Variants in MGAM observed in about 807,000 individuals in gnomAD.
MGAM encodes alpha-1,4-glucosidase.
A neutral mutation model predicts 358.8 loss-of-function variants in MGAM; 253 were observed. That is an observed-to-expected ratio of 0.71 (90% CI 0.64 to 0.78). The LOEUF is 0.78. Ranked by LOEUF, MGAM falls within the 30% of genes least tolerant of loss-of-function variation. The pLI, the probability that MGAM is intolerant of heterozygous loss-of-function variation, is 0.00. For synonymous variants in MGAM, 1,105 were observed against 1,227.1 expected (o/e 0.90, Z 2.08); for missense variants, 3,080 against 3,432.6 (o/e 0.90, Z 2.57).
At chr7:142,088,786 TATCTATCTATCTATC>T (rs1815043292) in intron 57 of MGAM, among the ~76,000 whole-genome samples, 1 of 128,132 alleles carries the variant, frequency 7.8e-6, no homozygotes, top group East Asian at 2.8e-4. Context: ...TCTATCTATC[TATCTATCTATCTATC>T]ATTCTATCCT....
At position 142,045,886 on chromosome 7, in the gene MGAM, A is replaced by C. The variant is rs1320484823; in HGVS notation, c.2499-1899A>C. 1.8e-5 allele frequency among the ~76,000 whole-genome samples: 2 copies of C among 113,440 alleles called. 1 individual carries two copies. Among genetic ancestry groups the C allele is most frequent in the African/African-American group, 7.1e-5 (2 of 28,322 alleles). 74.4% of individuals were successfully genotyped at this position (113,440 alleles called of 152,430 possible). A position where few individuals can be genotyped will look rare whatever the true frequency, so the allele number is the denominator to read the frequency against. ...TATATATACATACAATATGTAATAT[A>C]TATATTATGTATACATACAATATGT... is the stretch of plus-strand genomic sequence containing the variant. On this transcript the variant is annotated intron_variant, in intron 21 of 70. Coordinates refer to ENST00000475668, the MANE Select transcript of MGAM (RefSeq NM_001365693.1).
At chr7:142,084,937 T>C (rs1177839095) in intron 54 of MGAM, among the ~76,000 whole-genome samples, 1 of 146,400 alleles carries the variant, frequency 6.8e-6, no homozygotes, top group Non-Finnish European at 1.5e-5. Context: ...CTTCAAAACA[T>C]GTAGTCAAAA....
chr7:142,036,416 A>T (rs530386879), intron 17 of MGAM, 131 bp downstream of exon 17: 1 of 702,358 alleles, frequency 1.4e-6, no homozygotes, highest in African/African-American at 1.8e-5. Flanking sequence ...TTGCACTATC[A>T]TGTGCAATTA....
Position 142,052,388 on chromosome 7 carries a change from AC to A in MGAM, c.2903del (p.Pro968LeufsTer54). ...AGGGATGAAGAAAAAATAGACTGTT[AC>A]CCTGATGAGAATGGTGCTTCTGCCG... ...KIRDEEKIDC[Y>X]PDENGASAEN... On this transcript the variant is annotated frameshift_variant, in exon 25 of 71. Coordinates refer to ENST00000475668, the MANE Select transcript of MGAM (RefSeq NM_001365693.1). LOFTEE classifies it high-confidence loss of function. 1.9e-6 allele frequency: 3 copies of A among 1,613,100 alleles called. No individual in the cohort carries two copies. The highest frequency in any genetic ancestry group is 2.5e-6 in the Non-Finnish European group (3 of 1,179,526).
Position 142,059,551 on chromosome 7 carries a change from C to T in MGAM, c.3899C>T (p.Ala1300Val). Residue 1300 changes from alanine to valine, a missense_variant, in exon 32 of 71, where the codon GCT (alanine) becomes GTT (valine). Coordinates refer to ENST00000475668, the MANE Select transcript of MGAM (RefSeq NM_001365693.1). ...AGCCCCAAGTTTGCTGGGTTTCCAG[C>T]TCTGATCAATCGCATGAAGGCTGAT... The part of the protein sequence containing the change: ...TLSPKFAGFP[A>V]LINRMKADGM... 6.2e-7 allele frequency: 1 copy of T among 1,613,128 alleles called. No homozygotes were observed. Among genetic ancestry groups the T allele is most frequent in the Non-Finnish European group, 8.5e-7 (1 of 1,179,178 alleles).
At chr7:142,096,500 G>C (rs1474944180) in intron 65 of MGAM, 85 bp downstream of exon 65, 7 of 1,460,680 alleles carry the variant, frequency 4.8e-6, no homozygotes, top group Non-Finnish European at 5.8e-6. Context: ...TGAGCTGGTG[G>C]GGGTCCTAAG....
chr7:142,099,750 A>G lies in MGAM; in HGVS notation c.7874+13A>G. On this transcript the variant is annotated intron_variant, in intron 67 of 70. Transcript: ENST00000475668. ...ACACCCACTTAAGGTAAGTGACAGG[A>G]CTCAGGTTTTCCTTTACATGTCAGT... The G allele has an allele frequency of 1.2e-6, 2 of 1,613,348 alleles. No individual in the cohort carries two copies. Among genetic ancestry groups the G allele is most frequent in the Non-Finnish European group, 1.7e-6 (2 of 1,179,536 alleles).
At chr7:142,011,095 T>C (rs1341579312) in intron 3 of MGAM, among the ~76,000 whole-genome samples, 1 of 152,176 alleles carries the variant, frequency 6.6e-6, no homozygotes, top group African/African-American at 2.4e-5. Flanking sequence ...ATGCCCTAAG[T>C]AAATGTTGCA....
chr7:142,046,240 T>A (rs779121115), intron 21 of MGAM, among the ~76,000 whole-genome samples: 17 of 150,968 alleles, frequency 1.1e-4, no homozygotes, highest in Admixed American at 2.7e-4. Context: ...CAAGAACAGT[T>A]GTATACTCTG....
At chr7:142,099,490 A>C in intron 66 of MGAM, 123 bp from the exon 67 acceptor site, 1 of 1,445,012 alleles carries the variant, frequency 6.9e-7, no homozygotes, top group Non-Finnish European at 9.6e-7. Flanking sequence ...AATGGCAGGT[A>C]TGTTGCAAAG....
chr7:142,080,375 C>A (rs1051880437), intron 49 of MGAM, among the ~76,000 whole-genome samples: 1 of 146,410 alleles, frequency 6.8e-6, no homozygotes, highest in African/African-American at 2.4e-5. Context: ...AGTTTAGATA[C>A]CACCTTCAGC....
intron 47 of MGAM, 77 bp downstream of exon 47, chr7:142,076,903 A>G (rs1261410978): frequency 4.8e-6 from 7 of 1,451,786 alleles, no homozygotes; most frequent in African/African-American, 2.7e-5. Flanking sequence ...CCAAGTTTGC[A>G]TGGGTCCCTG....
intron 34 of MGAM, among the ~76,000 whole-genome samples, chr7:142,060,635 CAG>C (rs1373402401): frequency 6.6e-6 from 1 of 152,260 alleles, no homozygotes; most frequent in East Asian, 1.9e-4. Context: ...TTTTAGGTGA[CAG>C]AGTGGTGATT....
In MGAM at chr7:142,055,657, G is replaced by T. The variant is rs745375696; in HGVS notation, c.3414G>T (p.Glu1138Asp). The T allele has an allele frequency of 6.2e-7, 1 of 1,613,920 alleles. No homozygotes were observed. The highest frequency in any genetic ancestry group is 1.1e-5 in the South Asian group (1 of 91,070). The change falls in exon 28 of 71, where the codon GAG becomes GAT. Residue 1138 changes from glutamate to aspartate, a missense_variant. Glu to Asp is a conservative substitution (Grantham distance 45). Transcript: ENST00000475668. ...ACCTCTATGGCTTTGGGGAAACTGA[G>T]CACAGGTCCTATAGGAGAGACTTGG... ...SKYLYGFGET[E>D]HRSYRRDLEW...
In MGAM at chr7:142,040,935, G is replaced by A. The variant is rs988593542; in HGVS notation, c.2498+89G>A. ...TTCGAAACACACTAACAGCCAGGTGGTCAGCCTCTTTGGTTTGGCCACGAC... is the reference window on the plus strand; with the variant it reads ...TTCGAAACACACTAACAGCCAGGTGATCAGCCTCTTTGGTTTGGCCACGAC... On this transcript the variant is annotated intron_variant, in intron 21 of 70. Transcript: ENST00000475668. 6 of 1,467,828 alleles carry A rather than the reference G, an allele frequency of 4.1e-6. No individual in the cohort carries two copies. The African/African-American group carries it at 5.8e-5, about 14-fold the overall frequency. 90.9% of individuals were successfully genotyped at this position (1,467,828 alleles called of 1,614,324 possible). A position where few individuals can be genotyped will look rare whatever the true frequency, so the allele number is the denominator to read the frequency against.
At chr7:142,038,123 T>G (rs1273712545) in intron 18 of MGAM, among the ~76,000 whole-genome samples, 1 of 152,150 alleles carries the variant, frequency 6.6e-6, no homozygotes, top group Non-Finnish European at 1.5e-5. Flanking sequence ...GGCTTTTAGA[T>G]CCCACAAATA....
At position 142,008,634 on chromosome 7, in the gene MGAM, G is replaced by A; in HGVS notation, c.256G>A (p.Val86Ile). Residue 86 changes from valine (V) to isoleucine (I), a missense_variant, in exon 3 of 71, where the codon GTT (valine) becomes ATT (isoleucine). Physicochemically the swap from Val to Ile is conservative, Grantham distance 29 (BLOSUM62 3). Around this residue, in one of 5 missense-constraint regions of MGAM, gnomAD observed 1,816 missense variants for 1,840.5 expected, o/e 0.99. Transcript: ENST00000475668. ...PDPGTTGTTP[V>I]SAECPVVNEL... ...TCCTGGAACAACTGGTACCACTCCT[G>A]TTTCTGCTGAATGTCCAGTGGTAAA... 1 of 1,613,542 alleles carries A rather than the reference G, an allele frequency of 6.2e-7. No homozygotes were observed. Among genetic ancestry groups the A allele is most frequent in the Non-Finnish European group, 8.5e-7 (1 of 1,179,664 alleles).
In MGAM at chr7:142,088,396, C is replaced by G. The variant is rs956188791; in HGVS notation, c.6810+1679C>G. Among the ~76,000 whole-genome samples, 5 of 144,976 alleles carry G rather than the reference C, an allele frequency of 3.4e-5. 1 individual carries two copies. The highest frequency in any genetic ancestry group is 7.8e-5 in the Non-Finnish European group (5 of 64,130). On this transcript the variant is annotated intron_variant, in intron 57 of 70. Transcript: ENST00000475668. ...TGTTTTCCTTATGTCTACTACTGAACAAGTATCTATCTATCTATCTATGTA... is the reference window on the plus strand; with the variant it reads ...TGTTTTCCTTATGTCTACTACTGAAGAAGTATCTATCTATCTATCTATGTA...
intron 16 of MGAM, 96 bp downstream of exon 16, chr7:142,034,937 C>A: frequency 2.5e-6 from 3 of 1,210,944 alleles, no homozygotes; most frequent in Non-Finnish European, 3.5e-6. Context: ...CTCCTGCCTG[C>A]CATGGCTGGG....
Sources: gnomAD v4.1 joint callset for allele counts (sites outside exome capture counted in the v4.1 genomes callset) on GRCh38, gnomAD v4.1.1 for gene constraint, gnomAD v4.1.1 regional missense constraint, MANE v1.5 for transcripts, NCBI Gene and HGNC (gene_info 2026-07-23, HGNC 2026-07-21) for gene names.